GPHN: variants seen among roughly 807,000 people sequenced by gnomAD.
The protein encoded by GPHN is gephyrin.
Under a neutral mutation model 95.5 loss-of-function variants are expected in GPHN, and 17 were observed. That is an observed-to-expected ratio of 0.18 (90% CI 0.12 to 0.27). The LOEUF is 0.27. GPHN is among the 10% of genes least tolerant of loss of function. The pLI is 1.00. For missense variants in GPHN, 660 were observed against 978.1 expected (o/e 0.67, Z 4.34); for synonymous variants, 320 against 322.5 (o/e 0.99, Z 0.08).
chr14:66,699,374 A>T (rs911395068), intron 2 of GPHN, among the ~76,000 whole-genome samples: 1 of 151,844 alleles, frequency 6.6e-6, no homozygotes, highest in Non-Finnish European at 1.5e-5. Context: ...AATAAATAAA[A>T]GAAAATAATT....
chr14:66,656,250 A>G (rs1019160812), intron 1 of GPHN, among the ~76,000 whole-genome samples: 2 of 152,196 alleles, frequency 1.3e-5, no homozygotes, highest in African/African-American at 4.8e-5. Context: ...GAGTTTTAAA[A>G]TACAAATCCA....
the GPHN span, chr14:67,533,621 C>T: frequency 6.6e-6 from 1 of 152,142 alleles, no homozygotes; most frequent in Non-Finnish European, 1.5e-5. Context: ...CAGGAGGAGC[C>T]TCCCCCGGGA....
chr14:66,933,867 A>G (rs2066956076), intron 8 of GPHN, among the ~76,000 whole-genome samples: 1 of 152,120 alleles, frequency 6.6e-6, no homozygotes, highest in Admixed American at 6.6e-5. Flanking sequence ...GCCTGGGTGC[A>G]GTTTCTCATG....
At chr14:66,757,203 T>C (rs1161006561) in intron 2 of GPHN, among the ~76,000 whole-genome samples, 1 of 152,186 alleles carries the variant, frequency 6.6e-6, no homozygotes, top group Non-Finnish European at 1.5e-5. Context: ...TGAACTAAAG[T>C]TGATACAATC....
the GPHN span, chr14:67,381,778 TCAC>T: frequency 1.1e-6 from 1 of 923,712 alleles, no homozygotes; most frequent in Non-Finnish European, 1.6e-6. Flanking sequence ...TTTTTTTTAA[TCAC>T]ATTTCATAAC....
At chr14:66,722,596 G>A (rs985289465) in intron 2 of GPHN, among the ~76,000 whole-genome samples, 9 of 151,864 alleles carry the variant, frequency 5.9e-5, no homozygotes, top group Non-Finnish European at 1.2e-4. Context: ...AGGATATGCC[G>A]CCATGCACAG....
the GPHN span, among the ~76,000 whole-genome samples, chr14:67,413,431 C>G: frequency 1.3e-5 from 2 of 152,288 alleles, no homozygotes; most frequent in Admixed American, 1.3e-4. Context: ...TTGAAGGGCC[C>G]TGTCAGGACT....
chr14:67,407,884 G>A, the GPHN span, among the ~76,000 whole-genome samples: 6 of 152,282 alleles, frequency 3.9e-5, no homozygotes, highest in South Asian at 1.0e-3. Context: ...GAGCCAGGAA[G>A]TTCGCTTGAG....
intron 2 of GPHN, among the ~76,000 whole-genome samples, chr14:66,690,082 A>G (rs890744161): frequency 2.6e-5 from 4 of 151,246 alleles, no homozygotes; most frequent in Non-Finnish European, 4.4e-5. Context: ...TTTTTCTACT[A>G]ATTCTTACAG....
chr14:66,901,197 C>T (rs1465431637), intron 5 of GPHN, among the ~76,000 whole-genome samples: 2 of 151,954 alleles, frequency 1.3e-5, no homozygotes, highest in Non-Finnish European at 2.9e-5. Flanking sequence ...ATAGTTTGCT[C>T]ATTTTTTAAT....
intron 3 of GPHN, among the ~76,000 whole-genome samples, chr14:66,821,922 T>G (rs577340560): frequency 1.7e-4 from 26 of 152,280 alleles, no homozygotes; most frequent in Admixed American, 5.9e-4. Context: ...TAGAAAAACT[T>G]TAGTAATATT....
intron 4 of GPHN, among the ~76,000 whole-genome samples, chr14:66,858,057 T>A (rs1409900016): frequency 6.6e-6 from 1 of 152,126 alleles, no homozygotes; most frequent in Non-Finnish European, 1.5e-5. Flanking sequence ...GCTAAAGTCC[T>A]TTGCAGCCCA....
chr14:67,643,889 G>A, the GPHN span, among the ~76,000 whole-genome samples: 2 of 137,770 alleles, frequency 1.5e-5, no homozygotes, highest in Non-Finnish European at 3.1e-5. Flanking sequence ...AAAAGACTCA[G>A]GTTGAAGAAA....
rs938451332 is a variant in GPHN, at chr14:67,158,169, T to C, written c.1837-1246T>C. 4.6e-5 allele frequency among the ~76,000 whole-genome samples: 7 copies of C among 151,112 alleles called. No homozygotes were observed. In the South Asian group the frequency reaches 1.5e-3, roughly 32 times the overall value. On this transcript the variant is annotated intron_variant, in intron 18 of 22. Transcript: ENST00000478722. The stretch of plus-strand genomic sequence containing the variant: ...TAAAAATAGAAAAATTAGCTGGGCG[T>C]AGTGGTGCATGCCTGTAATCCCAGC...
chr14:67,028,996 G>A (rs118039219), intron 10 of GPHN, among the ~76,000 whole-genome samples: 1,868 of 152,126 alleles, frequency 0.012, 19 homozygotes, highest in Non-Finnish European at 0.018. Context: ...TATAGTTCTC[G>A]TTCTTATGTT....
chr14:66,560,073 G>A (rs916537765), intron 1 of GPHN, among the ~76,000 whole-genome samples: 7 of 151,878 alleles, frequency 4.6e-5, no homozygotes, highest in African/African-American at 1.7e-4. Flanking sequence ...TATTTCTGAG[G>A]GCTCCGTTCT....
intron 9 of GPHN, among the ~76,000 whole-genome samples, chr14:66,970,394 A>AC (rs1194955909): frequency 1.3e-5 from 2 of 152,204 alleles, no homozygotes; most frequent in Non-Finnish European, 2.9e-5. Flanking sequence ...GAATTCCTTT[A>AC]CCTATAAAAA....
At chr14:67,408,395 G>C in the GPHN span, among the ~76,000 whole-genome samples, 1 of 151,612 alleles carries the variant, frequency 6.6e-6, no homozygotes, top group African/African-American at 2.4e-5. Context: ...CTTGCTATGG[G>C]TTGAATTGTA....
chr14:67,586,093 C>G, the GPHN span: 2 of 1,613,742 alleles, frequency 1.2e-6, no homozygotes, highest in African/African-American at 2.7e-5. Flanking sequence ...ATGGCTGCTC[C>G]CAAGGTAGGT....
Sources: allele counts gnomAD v4.1 joint callset (sites outside exome capture counted in the v4.1 genomes callset), GRCh38; gene constraint gnomAD v4.1.1; transcripts MANE v1.5; gene names NCBI Gene and HGNC (gene_info 2026-07-23, HGNC 2026-07-21).